The following DOCK3 variants were observed in gnomAD, a reference collection of about 807,000 sequenced individuals.
DOCK3 encodes the protein dedicator of cytokinesis 3.
In DOCK3, 60 loss-of-function variants were observed where a neutral mutation model predicts 265.6. The ratio of observed to expected loss-of-function variants is 0.23; its 90% CI spans 0.18 to 0.28. The LOEUF (loss-of-function observed/expected upper bound fraction) is 0.28. DOCK3 is among the 10% of genes least tolerant of loss of function. DOCK3 has a pLI of 1.00. For missense variants in DOCK3, 1,981 were observed against 2,594.3 expected, an observed-to-expected ratio of 0.76 and a Z score of 5.14; for synonymous variants, 881 against 938.0, an observed-to-expected ratio of 0.94 and a Z score of 1.11.
chr3:50,882,550 A>G (rs2048101305), intron 3 of DOCK3, among the ~76,000 whole-genome samples: 1 of 152,206 alleles, frequency 6.6e-6, no homozygotes, highest in African/African-American at 2.4e-5. Flanking sequence ...AGAAATGCAA[A>G]TCAAAACCAC....
chr3:50,787,653 A>G, intron 2 of DOCK3: 2 of 1,311,784 alleles, frequency 1.5e-6, no homozygotes, highest in Admixed American at 3.6e-5. Flanking sequence ...TCTTCCTGCA[A>G]CCTCTTGTAG....
Position 51,381,539 on chromosome 3 carries a change from C to A in DOCK3, c.6073C>A (p.His2025Asn). 1 of 1,549,614 alleles carries A rather than the reference C, an allele frequency of 6.5e-7. No homozygotes were observed. Among genetic ancestry groups the A allele is most frequent in the Non-Finnish European group, 8.7e-7 (1 of 1,150,336 alleles). The change falls in exon 53 of 53, where the codon CAC becomes AAC. Residue 2025 changes from histidine (H) to asparagine (N), a missense_variant. By Grantham distance (68) the His-to-Asn change is moderately conservative. This residue lies in a region of DOCK3 where 149 missense variants were observed against 144.7 expected (regional missense o/e 1.03). Coordinates refer to ENST00000266037, the MANE Select transcript of DOCK3 (RefSeq NM_004947.5). This position sits in a 1 kb window ranked among gnomAD's most constrained non-coding sequence, Gnocchi z 5.6. Reference sequence around the variant, plus strand: ...GGAGCAGGCCCGCATGGCCTGGGAGCACGGCCGAGGGGAGCAGTGAGGGGC... The same window carrying A: ...GGAGCAGGCCCGCATGGCCTGGGAGAACGGCCGAGGGGAGCAGTGAGGGGC... ...KEEQARMAWE[H>N]GRGEQ
At chr3:50,960,592 C>T (rs1219810675) in intron 5 of DOCK3, among the ~76,000 whole-genome samples, 1 of 151,972 alleles carries the variant, frequency 6.6e-6, no homozygotes, top group Non-Finnish European at 1.5e-5. Context: ...TGGAGATAAT[C>T]CCTTTATCAG....
chr3:50,970,891 T>TTATATATATATA (rs55749209), intron 5 of DOCK3, among the ~76,000 whole-genome samples: 1 of 12,162 alleles, frequency 8.2e-5, no homozygotes, highest in African/African-American at 2.1e-4. Flanking sequence ...CATCTAATTT[T>TTATATATATATA]TATATATATA....
At chr3:51,322,857 C>T (rs1016245295) in intron 32 of DOCK3, among the ~76,000 whole-genome samples, 2 of 151,908 alleles carry the variant, frequency 1.3e-5, no homozygotes, top group Admixed American at 1.3e-4. Context: ...CACAGACTGG[C>T]AAATTGGGTA....
intron 27 of DOCK3, among the ~76,000 whole-genome samples, chr3:51,281,274 A>AAAATATATATATATATATAT (rs2081096243): frequency 3.2e-5 from 4 of 125,690 alleles, no homozygotes; most frequent in African/African-American, 1.2e-4. Flanking sequence ...GATGAGCTAA[A>AAAATATATATATATATATAT]ATATATATAT....
At chr3:51,153,666 G>A (rs991475989) in intron 10 of DOCK3, among the ~76,000 whole-genome samples, 8 of 152,130 alleles carry the variant, frequency 5.3e-5, no homozygotes, top group African/African-American at 1.7e-4. Context: ...CTGTACTTCA[G>A]TTTTTTCTGA....
intron 32 of DOCK3, among the ~76,000 whole-genome samples, chr3:51,327,882 A>G (rs1161606308): frequency 6.6e-6 from 1 of 151,894 alleles, no homozygotes; most frequent in East Asian, 1.9e-4. Context: ...GAGTTTCACC[A>G]TGTTGGTCAG....
At chr3:51,328,695 AT>A (rs1263407889) in intron 32 of DOCK3, among the ~76,000 whole-genome samples, 1 of 151,200 alleles carries the variant, frequency 6.6e-6, no homozygotes, top group African/African-American at 2.4e-5. Context: ...CCTTCATTGA[AT>A]TTACTAATTC....
intron 32 of DOCK3, among the ~76,000 whole-genome samples, chr3:51,329,594 A>C (rs1428211743): frequency 6.6e-6 from 1 of 152,298 alleles, no homozygotes; most frequent in East Asian, 1.9e-4. Context: ...CAAGGGCTCT[A>C]GGTTCTGTGA....
chr3:51,205,089 C>T (rs1350764104), intron 12 of DOCK3, among the ~76,000 whole-genome samples: 1 of 151,844 alleles, frequency 6.6e-6, no homozygotes, highest in Non-Finnish European at 1.5e-5. Flanking sequence ...GTGGGTGCAG[C>T]GCACCAGCAT....
intron 12 of DOCK3, among the ~76,000 whole-genome samples, chr3:51,198,414 C>T (rs966736832): frequency 1.3e-5 from 2 of 152,156 alleles, no homozygotes; most frequent in African/African-American, 2.4e-5. Context: ...CATTTTCCCG[C>T]TTCCAGGATG....
intron 32 of DOCK3, among the ~76,000 whole-genome samples, chr3:51,323,296 A>G (rs1310965263): frequency 6.6e-6 from 1 of 152,168 alleles, no homozygotes; most frequent in Non-Finnish European, 1.5e-5. Context: ...AGACAGATTA[A>G]TGAGACAGAA....
intron 51 of DOCK3, 42 bp downstream of exon 51, chr3:51,375,877 TCCTGAGTGTCTGACTCTTGTC>T (rs777270663): frequency 3.1e-6 from 5 of 1,605,118 alleles, no homozygotes; most frequent in Non-Finnish European, 4.3e-6. Context: ...TCTGTCCCCA[TCCTGAGTGTCTGACTCTTGTC>T]CCTGAGTACC....
intron 5 of DOCK3, among the ~76,000 whole-genome samples, chr3:50,972,123 C>T (rs2077256737): frequency 6.6e-6 from 1 of 152,224 alleles, no homozygotes; most frequent in Non-Finnish European, 1.5e-5. Context: ...GAACTTCCTC[C>T]CTCATCCCAA....
At chr3:51,027,994 C>T (rs1362908831) in intron 5 of DOCK3, among the ~76,000 whole-genome samples, 1 of 151,990 alleles carries the variant, frequency 6.6e-6, no homozygotes, top group Admixed American at 6.6e-5. Context: ...TAGCTAGTTA[C>T]TTTGTAGGCT....
intron 1 of DOCK3, among the ~76,000 whole-genome samples, chr3:50,757,234 G>A (rs1398426674): frequency 7.8e-6 from 1 of 128,242 alleles, no homozygotes; most frequent in East Asian, 2.6e-4. Flanking sequence ...GCAATGGTGT[G>A]ATCTCGGCTC....
chr3:50,689,990 T>C (rs952530117), intron 1 of DOCK3, among the ~76,000 whole-genome samples: 2 of 152,210 alleles, frequency 1.3e-5, no homozygotes, highest in African/African-American at 4.8e-5. Flanking sequence ...CCAATTTATC[T>C]GTTTTTTTTC....
chr3:50,960,342 C>T (rs2076853060), intron 5 of DOCK3, among the ~76,000 whole-genome samples: 1 of 152,030 alleles, frequency 6.6e-6, no homozygotes, highest in Non-Finnish European at 1.5e-5. Context: ...TCTATTTTTT[C>T]CACATCTCTG....
Sources: allele counts gnomAD v4.1 joint callset (sites outside exome capture counted in the v4.1 genomes callset), GRCh38; gene constraint gnomAD v4.1.1; regional missense constraint gnomAD v4.1.1; non-coding constraint Gnocchi (gnomAD v3.1); transcripts MANE v1.5; gene names NCBI Gene and HGNC (gene_info 2026-07-23, HGNC 2026-07-21).